The following C12orf60 variants were observed in gnomAD, a reference collection of about 807,000 sequenced individuals.
The protein encoded by C12orf60 is chromosome 12 open reading frame 60, also known as uncharacterized protein C12orf60.
For missense variants in C12orf60, 284 were observed against 283.2 expected (o/e 1.00, Z -0.02); for synonymous variants, 102 against 94.6 (o/e 1.08, Z -0.45).
chr12:14,822,844 C>G, intron 1 of C12orf60, 68 bp from the exon 2 acceptor site: 1 of 1,348,354 alleles, frequency 7.4e-7, no homozygotes, highest in Non-Finnish European at 1.0e-6. Flanking sequence ...TTAGACTATA[C>G]TTTCAGTTTC....
chr12:14,822,872 G>T, intron 1 of C12orf60, 40 bp from the exon 2 acceptor site: 1 of 1,486,436 alleles, frequency 6.7e-7, no homozygotes, highest in South Asian at 1.4e-5. Context: ...TTGCCAAATC[G>T]ACTTTTATTT....
intron 1 of C12orf60, among the ~76,000 whole-genome samples, chr12:14,813,402 C>T (rs1226490513): frequency 6.6e-6 from 1 of 152,126 alleles, no homozygotes; most frequent in Non-Finnish European, 1.5e-5. Flanking sequence ...TTCTGAGTCT[C>T]CTTTAATTCA....
chr12:14,807,887 C>T (rs538241218), intron 1 of C12orf60, among the ~76,000 whole-genome samples: 4 of 152,190 alleles, frequency 2.6e-5, no homozygotes, highest in South Asian at 2.1e-4. Context: ...AATAAGGGGC[C>T]GGGCATGGTG....
intron 1 of C12orf60, chr12:14,805,145 T>C (rs1950028852): frequency 6.6e-6 from 1 of 152,250 alleles, no homozygotes; most frequent in South Asian, 2.1e-4. Context: ...AATGAAATTA[T>C]ATTCTTTTTT....
In C12orf60 at chr12:14,810,103, T is replaced by C. The variant is rs138399995; in HGVS notation, c.-25+6352T>C. 3.3e-5 allele frequency among the ~76,000 whole-genome samples: 5 copies of C among 152,340 alleles called. No homozygotes were observed. The East Asian group carries it at 9.6e-4, about 29-fold the overall frequency. The stretch of plus-strand genomic sequence containing the variant: ...GTTATGATGTGCTAAGAATTATGTT[T>C]CCCTTATAATGAAAAAGGACTTTTA... On this transcript the variant is annotated intron_variant, in intron 1 of 1. Coordinates refer to ENST00000330828, the MANE Select transcript of C12orf60 (RefSeq NM_175874.4).
chr12:14,813,810 C>T (rs905302195), intron 1 of C12orf60, among the ~76,000 whole-genome samples: 3 of 152,186 alleles, frequency 2.0e-5, no homozygotes. Context: ...GTAAACTTCA[C>T]ACATTCACAC....
At chr12:14,804,976 G>T (rs963632172) in intron 1 of C12orf60, 9 of 152,168 alleles carry the variant, frequency 5.9e-5, no homozygotes, top group Non-Finnish European at 1.2e-4. Flanking sequence ...TTATTGGTTG[G>T]CAAAGGATTT....
chr12:14,823,109 T>A lies in C12orf60; in HGVS notation c.174T>A (p.Asp58Glu), dbSNP rs1950331504. 1 of 1,614,032 alleles carries A rather than the reference T, an allele frequency of 6.2e-7. No homozygotes were observed. Among genetic ancestry groups the A allele is most frequent in the Non-Finnish European group, 8.5e-7 (1 of 1,179,924 alleles). The change falls in exon 2 of 2, where the codon GAT (aspartate) becomes GAA (glutamate). Residue 58 changes from aspartate to glutamate, a missense_variant. Transcript: ENST00000330828. ...MAVKNNSYIK[D>E]FFEQMLKIFK... ...TGAAAAACAATAGTTACATTAAGGA[T>A]TTTTTTGAGCAAATGCTCAAAATTT...
At position 14,823,028 on chromosome 12, in the gene C12orf60, CA is replaced by C. The variant is rs1201331213; in HGVS notation, c.94del (p.Thr32HisfsTer2). 4 of 1,613,750 alleles carry C rather than the reference CA, an allele frequency of 2.5e-6. No individual in the cohort carries two copies. The Admixed American group carries it at 6.7e-5, about 27-fold the overall frequency. ...TACAAGATCTTGCTTCTGTCATAAA[CA>C]CACTGACTGAATTGTTTAGCCGCAG... ...HVQDLASVINTLTELFSRSMN... is the reference protein window; with the variant it reads ...HVQDLASVINXLTELFSRSMN... On this transcript the variant is annotated frameshift_variant, in exon 2 of 2. Coordinates refer to ENST00000330828, the MANE Select transcript of C12orf60 (RefSeq NM_175874.4). LOFTEE classifies it low-confidence loss of function (END_TRUNC).
At chr12:14,812,804 C>CCT (rs777455822) in intron 1 of C12orf60, among the ~76,000 whole-genome samples, 1 of 151,580 alleles carries the variant, frequency 6.6e-6, no homozygotes, top group East Asian at 1.9e-4. Context: ...AGGTTTGTTC[C>CCT]CTGACTATAC....
intron 1 of C12orf60, among the ~76,000 whole-genome samples, chr12:14,807,562 A>G (rs1950072685): frequency 6.6e-6 from 1 of 152,190 alleles, no homozygotes; most frequent in Non-Finnish European, 1.5e-5. Flanking sequence ...ATATATCTCT[A>G]CAGGCAAGTT....
In C12orf60 at chr12:14,803,752, G is replaced by A. The variant is rs1006314601; in HGVS notation, c.-25+1G>A. The A allele has an allele frequency of 1.7e-5, 6 of 360,818 alleles. No individual in the cohort carries two copies. The highest frequency in any genetic ancestry group is 3.0e-5 in the Non-Finnish European group (6 of 202,840). 22.4% of individuals were successfully genotyped at this position (360,818 alleles called of 1,614,324 possible). ...TCTTGACTTAGTTGCTGGGAGCCTG[G>A]TACGTTGAGCCGTCCGAGAACGGTA... On this transcript the variant is annotated splice_donor_variant, in intron 1 of 1. Transcript: ENST00000330828. LOFTEE classifies it low-confidence loss of function (5UTR_SPLICE).
intron 1 of C12orf60, chr12:14,806,518 C>G: frequency 1.2e-6 from 2 of 1,614,106 alleles, no homozygotes; most frequent in Non-Finnish European, 1.7e-6. Context: ...CTTTTCATCT[C>G]AATGGAGGCC....
At chr12:14,808,957 T>G (rs1950095912) in intron 1 of C12orf60, among the ~76,000 whole-genome samples, 1 of 152,228 alleles carries the variant, frequency 6.6e-6, no homozygotes, top group South Asian at 2.1e-4. Flanking sequence ...AGATTTGGAC[T>G]TTGAATTTTC....
chr12:14,810,756 A>G (rs1331527382), intron 1 of C12orf60, among the ~76,000 whole-genome samples: 1 of 152,174 alleles, frequency 6.6e-6, no homozygotes, highest in Non-Finnish European at 1.5e-5. Context: ...TTGACAGTTG[A>G]GGAGAGGCTG....
chr12:14,810,069 T>C (rs1489150371), intron 1 of C12orf60, among the ~76,000 whole-genome samples: 2 of 152,234 alleles, frequency 1.3e-5, no homozygotes, highest in East Asian at 3.8e-4. Context: ...CGAGTTTGGC[T>C]AAAGAAATGT....
chr12:14,808,139 T>A (rs979146611), intron 1 of C12orf60, among the ~76,000 whole-genome samples: 8 of 151,416 alleles, frequency 5.3e-5, no homozygotes, highest in African/African-American at 1.9e-4. Context: ...CACTCCAGCC[T>A]GGGCAACAGA....
chr12:14,812,316 C>T (rs952952020), intron 1 of C12orf60, among the ~76,000 whole-genome samples: 5 of 152,122 alleles, frequency 3.3e-5, no homozygotes, highest in African/African-American at 7.2e-5. Context: ...CGGTGGCGGG[C>T]GCCTGTAGTC....
At chr12:14,812,338 G>A (rs1324322370) in intron 1 of C12orf60, among the ~76,000 whole-genome samples, 1 of 152,204 alleles carries the variant, frequency 6.6e-6, no homozygotes, top group Non-Finnish European at 1.5e-5. Context: ...CAGCTACTTG[G>A]GAGGCTGAGG....
Sources: gnomAD v4.1 joint callset for allele counts (sites outside exome capture counted in the v4.1 genomes callset) on GRCh38, gnomAD v4.1.1 for gene constraint, MANE v1.5 for transcripts, NCBI Gene and HGNC (gene_info 2026-07-23, HGNC 2026-07-21) for gene names.